Variants in PREX1 observed in about 807,000 individuals in gnomAD.
The protein encoded by PREX1 is phosphatidylinositol-3,4,5-trisphosphate dependent Rac exchange factor 1, also known as phosphatidylinositol 3,4,5-trisphosphate-dependent Rac exchanger 1 protein.
In PREX1, 41 loss-of-function variants were observed where a neutral mutation model predicts 198.3. That is an observed-to-expected ratio of 0.21 (90% CI 0.16 to 0.27). The LOEUF is 0.27. PREX1 is among the 10% of genes least tolerant of loss of function. The pLI is 1.00. For synonymous variants in PREX1, 843 were observed against 887.2 expected, an observed-to-expected ratio of 0.95 and a Z score of 0.89; for missense variants, 1,620 against 2,200.7, an observed-to-expected ratio of 0.74 and a Z score of 5.28.
At chr20:48,839,151 C>T in the PREX1 span, among the ~76,000 whole-genome samples, 1 of 151,860 alleles carries the variant, frequency 6.6e-6, no homozygotes. Context: ...GGCTTTAATT[C>T]TTTACTACAC....
chr20:48,782,430 G>A (rs777654737), intron 1 of PREX1, among the ~76,000 whole-genome samples: 36 of 152,112 alleles, frequency 2.4e-4, no homozygotes, highest in Admixed American at 1.8e-3. Flanking sequence ...CCCCAGCCAC[G>A]TGAAACTGTG....
intron 3 of PREX1, 85 bp from the exon 4 acceptor site, chr20:48,734,735 G>A (rs963168202): frequency 8.1e-7 from 1 of 1,242,052 alleles, no homozygotes; most frequent in African/African-American, 1.5e-5. Context: ...GGGCTGGTAG[G>A]GTAGGGGTAA....
intron 1 of PREX1, among the ~76,000 whole-genome samples, chr20:48,821,043 A>C (rs1399002134): frequency 1.3e-5 from 2 of 152,168 alleles, no homozygotes; most frequent in Non-Finnish European, 2.9e-5. Context: ...CTACTAAAAA[A>C]ATACAAAAAG....
chr20:48,802,266 T>C (rs1318000637), intron 1 of PREX1, among the ~76,000 whole-genome samples: 1 of 151,882 alleles, frequency 6.6e-6, no homozygotes, highest in Non-Finnish European at 1.5e-5. Flanking sequence ...CCTCTTACAA[T>C]AAAAGCCCAA....
At chr20:48,877,619 C>A in the PREX1 span, among the ~76,000 whole-genome samples, 2 of 152,210 alleles carry the variant, frequency 1.3e-5, no homozygotes, top group Non-Finnish European at 2.9e-5. Context: ...ACTGATTGGC[C>A]TGGTGTAGGC....
intron 27 of PREX1, chr20:48,642,724 C>T: frequency 2.1e-6 from 1 of 467,334 alleles, no homozygotes; most frequent in Non-Finnish European, 3.8e-6. Flanking sequence ...GATTGTAAAG[C>T]ACTGCTACTG....
chr20:48,771,180 C>T (rs950199835), intron 1 of PREX1, among the ~76,000 whole-genome samples: 1 of 151,812 alleles, frequency 6.6e-6, no homozygotes, highest in African/African-American at 2.4e-5. Flanking sequence ...CATAATTTTG[C>T]ATGTCACCTT....
At chr20:48,883,014 C>T in the PREX1 span, among the ~76,000 whole-genome samples, 1 of 150,920 alleles carries the variant, frequency 6.6e-6, no homozygotes, top group South Asian at 2.1e-4. Context: ...CCACTGCGAC[C>T]TCTCAGCCTC....
At chr20:48,629,168 T>C (rs936146796) in intron 37 of PREX1, among the ~76,000 whole-genome samples, 7 of 152,156 alleles carry the variant, frequency 4.6e-5, no homozygotes. Flanking sequence ...ATTGTTAATG[T>C]TGAAGGAGGC....
At position 48,646,012 on chromosome 20, in the gene PREX1, G is replaced by A. The variant is rs560827696; in HGVS notation, c.3351C>T (p.Asp1117=). ...AGGAGGCCTCCTCAGCCAAGGATGC[G>A]TCGCAGGACCCACCCGAGGTGGGCT... ...ITEPTSGGSC[D]ASLAEEASSL... is the part of the protein sequence containing the mutation. Residue 1117 remains aspartate, a synonymous_variant, in exon 26 of 40, where the codon GAC becomes GAT. Coordinates refer to ENST00000371941, the MANE Select transcript of PREX1 (RefSeq NM_020820.4). The A allele has an allele frequency of 8.8e-5, 142 of 1,614,168 alleles. 2 individuals carry two copies. The South Asian group carries it at 1.0e-3, about 12-fold the overall frequency.
the PREX1 span, among the ~76,000 whole-genome samples, chr20:48,844,543 G>A: frequency 1.3e-5 from 2 of 152,210 alleles, no homozygotes; most frequent in Non-Finnish European, 2.9e-5. Flanking sequence ...ATCTGCTGGA[G>A]GCTTCAGGGA....
the PREX1 span, among the ~76,000 whole-genome samples, chr20:48,875,091 G>A: frequency 0.015 from 2,268 of 152,272 alleles, 52 homozygotes; most frequent in African/African-American, 0.049. Flanking sequence ...GAGAAAGAAC[G>A]TACTCTCACA....
Position 48,691,114 on chromosome 20 carries a change from C to G in PREX1, c.1037-18G>C. On this transcript the variant is annotated intron_variant, in intron 8 of 39. Coordinates refer to ENST00000371941, the MANE Select transcript of PREX1 (RefSeq NM_020820.4). This position sits in a 1 kb window ranked among gnomAD's most constrained non-coding sequence, Gnocchi z 5.0. ...GTAATCCGCTGGTGGGGGCAGGAGGCAAAGGTGCAGCAGAGACTCAGCCGC... is the reference window on the plus strand; with the variant it reads ...GTAATCCGCTGGTGGGGGCAGGAGGGAAAGGTGCAGCAGAGACTCAGCCGC... 6.2e-7 allele frequency: 1 copy of G among 1,614,084 alleles called. No individual in the cohort carries two copies. Among genetic ancestry groups the G allele is most frequent in the South Asian group, 1.1e-5 (1 of 91,086 alleles).
the PREX1 span, among the ~76,000 whole-genome samples, chr20:48,882,271 G>C: frequency 1.0e-3 from 157 of 152,134 alleles, 2 homozygotes; most frequent in East Asian, 0.027. Flanking sequence ...GGGAGGCGGA[G>C]GCAGGCGGAT....
the PREX1 span, among the ~76,000 whole-genome samples, chr20:48,854,339 A>T: frequency 4.0e-5 from 6 of 151,468 alleles, no homozygotes; most frequent in Non-Finnish European, 8.8e-5. Flanking sequence ...AGCCCACTGG[A>T]TGTGTATATG....
In PREX1 at chr20:48,691,581, C is replaced by T. The variant is rs1043167632; in HGVS notation, c.1037-485G>A. 1.3e-5 allele frequency among the ~76,000 whole-genome samples: 2 copies of T among 152,134 alleles called. No homozygotes were observed. Among genetic ancestry groups the T allele is most frequent in the Non-Finnish European group, 2.9e-5 (2 of 68,016 alleles). ...AAGCCTGAATCTGAGGAGGGCTCCA[C>T]GGGCTTCATGAGACTGCCAAAGGGG... On this transcript the variant is annotated intron_variant, in intron 8 of 39. Coordinates refer to ENST00000371941, the MANE Select transcript of PREX1 (RefSeq NM_020820.4). The surrounding 1 kb of genome is among the most constrained non-coding windows in gnomAD (Gnocchi z 5.0).
At chr20:48,704,479 T>TGCCAGA (rs1019989692) in intron 6 of PREX1, among the ~76,000 whole-genome samples, 2 of 152,146 alleles carry the variant, frequency 1.3e-5, no homozygotes, top group African/African-American at 2.4e-5. Context: ...AAACCAGGGC[T>TGCCAGA]GCCAGAGCCA....
intron 29 of PREX1, among the ~76,000 whole-genome samples, chr20:48,641,887 GAAGGAAGGAAGGAAGGAAGGAA>G (rs1568796700): frequency 1.5e-4 from 14 of 96,258 alleles, no homozygotes; most frequent in African/African-American, 4.8e-4. Flanking sequence ...AGGAAGGAAG[GAAGGAAGGAAGGAAGGAAGGAA>G]AAGAAACAGG....
chr20:48,653,279 T>C, intron 20 of PREX1, 82 bp downstream of exon 20: 2 of 1,550,124 alleles, frequency 1.3e-6, no homozygotes, highest in Non-Finnish European at 1.8e-6. Context: ...TGCAGGCTTT[T>C]CTCTAAAGAG....
Sources: gnomAD v4.1 joint callset for allele counts (sites outside exome capture counted in the v4.1 genomes callset) on GRCh38, gnomAD v4.1.1 for gene constraint, Gnocchi (gnomAD v3.1) non-coding constraint, MANE v1.5 for transcripts, NCBI Gene and HGNC (gene_info 2026-07-23, HGNC 2026-07-21) for gene names.